The following ASTN1 variants were observed in gnomAD, a reference collection of about 807,000 sequenced individuals.
ASTN1 encodes astrotactin 1, also known as astrotactin-1.
ASTN1 carries 41 observed loss-of-function variants against 140.7 expected under a neutral mutation model. The ratio of observed to expected loss-of-function variants is 0.29; its 90% CI spans 0.23 to 0.38. The LOEUF is 0.38. Ranked by LOEUF, ASTN1 falls within the 10% of genes least tolerant of loss-of-function variation. ASTN1 has a pLI of 1.00. For synonymous variants in ASTN1, 640 were observed against 652.2 expected, an observed-to-expected ratio of 0.98 and a Z score of 0.29; for missense variants, 1,479 against 1,678.8, an observed-to-expected ratio of 0.88 and a Z score of 2.08.
At chr1:177,099,400 CT>C (rs894820168) in intron 1 of ASTN1, among the ~76,000 whole-genome samples, 11 of 150,444 alleles carry the variant, frequency 7.3e-5, no homozygotes, top group African/African-American at 2.2e-4. Context: ...ATCCTAGCTC[CT>C]TTTTTTTTAA....
chr1:176,908,837 A>G (rs1489682777), intron 16 of ASTN1, among the ~76,000 whole-genome samples: 1 of 152,174 alleles, frequency 6.6e-6, no homozygotes, highest in Admixed American at 6.5e-5. Flanking sequence ...AAAAAATAGC[A>G]ATGCTCAGAA....
intron 2 of ASTN1, among the ~76,000 whole-genome samples, chr1:177,034,714 T>C (rs923152329): frequency 1.7e-4 from 26 of 152,122 alleles, no homozygotes; most frequent in African/African-American, 5.8e-4. Context: ...GCAGAACCTG[T>C]ATCTCAGAGT....
At chr1:176,881,538 T>C (rs536857998) in intron 20 of ASTN1, among the ~76,000 whole-genome samples, 3 of 152,280 alleles carry the variant, frequency 2.0e-5, no homozygotes, top group African/African-American at 7.2e-5. Flanking sequence ...TTACAGCAGG[T>C]TAGGTGGTCT....
chr1:176,957,576 G>T, intron 11 of ASTN1, 102 bp downstream of exon 11: 1 of 1,415,536 alleles, frequency 7.1e-7, no homozygotes, highest in Non-Finnish European at 9.6e-7. Context: ...TTACAACTGG[G>T]GATCACAGCA....
chr1:176,954,165 C>G (rs911470356), intron 11 of ASTN1, among the ~76,000 whole-genome samples: 22 of 152,162 alleles, frequency 1.4e-4, no homozygotes, highest in African/African-American at 5.1e-4. Flanking sequence ...GTGAAGATAT[C>G]ACCTCACATG....
chr1:176,872,790 C>A (rs113071481), intron 21 of ASTN1, among the ~76,000 whole-genome samples: 1,674 of 152,308 alleles, frequency 0.011, 24 homozygotes, highest in Non-Finnish European at 0.018. Context: ...TGATCTGGAA[C>A]GATCTTCCCC....
chr1:177,127,460 C>A (rs1298017856), intron 1 of ASTN1, among the ~76,000 whole-genome samples: 1 of 152,200 alleles, frequency 6.6e-6, no homozygotes, highest in Non-Finnish European at 1.5e-5. Context: ...CATGCCCATG[C>A]CTTCTCCATA....
intron 14 of ASTN1, among the ~76,000 whole-genome samples, chr1:176,941,191 G>A (rs996885001): frequency 3.3e-5 from 5 of 152,102 alleles, no homozygotes; most frequent in Admixed American, 6.6e-5. Context: ...TAATTAAAAT[G>A]TTCCCAGAAC....
chr1:176,887,473 C>T (rs2103031164), intron 18 of ASTN1, among the ~76,000 whole-genome samples: 1 of 152,292 alleles, frequency 6.6e-6, no homozygotes, highest in South Asian at 2.1e-4. Context: ...TTGGTTCTGC[C>T]CCAGATCATC....
intron 1 of ASTN1, among the ~76,000 whole-genome samples, chr1:177,075,484 T>C (rs1678850031): frequency 6.6e-6 from 1 of 151,880 alleles, no homozygotes; most frequent in Non-Finnish European, 1.5e-5. Flanking sequence ...TCCTTAGTCA[T>C]TTAAAGGAAG....
intron 1 of ASTN1, among the ~76,000 whole-genome samples, chr1:177,098,317 A>T (rs993862541): frequency 3.3e-5 from 5 of 152,046 alleles, no homozygotes; most frequent in African/African-American, 4.8e-5. Context: ...AACCCCACAC[A>T]TTTGGTGTCA....
chr1:177,159,310 A>AC (rs1683381957), intron 1 of ASTN1, among the ~76,000 whole-genome samples: 1 of 152,166 alleles, frequency 6.6e-6, no homozygotes, highest in African/African-American at 2.4e-5. Context: ...TGAAGAACCT[A>AC]CCTTAGGATT....
intron 1 of ASTN1, among the ~76,000 whole-genome samples, chr1:177,080,448 C>T (rs1679125835): frequency 6.6e-6 from 1 of 152,108 alleles, no homozygotes; most frequent in South Asian, 2.1e-4. Context: ...TAAATAATTG[C>T]ATAAAATGCA....
chr1:176,940,061 C>T (rs1043370963), intron 14 of ASTN1, among the ~76,000 whole-genome samples: 9 of 152,174 alleles, frequency 5.9e-5, no homozygotes, highest in African/African-American at 1.4e-4. Context: ...AACCTTCACA[C>T]AGATTTAATG....
chr1:176,983,546 T>C (rs534420094), intron 8 of ASTN1, among the ~76,000 whole-genome samples: 1 of 152,318 alleles, frequency 6.6e-6, no homozygotes, highest in South Asian at 2.1e-4. Flanking sequence ...CACTTAATCC[T>C]TTTGGCAGCA....
chr1:176,953,909 A>T (rs944022222), intron 11 of ASTN1, among the ~76,000 whole-genome samples: 1 of 152,200 alleles, frequency 6.6e-6, no homozygotes, highest in African/African-American at 2.4e-5. Context: ...AATGAGTGTG[A>T]AGTTAAAGAA....
chr1:177,145,698 G>A (rs1387948922), intron 1 of ASTN1, among the ~76,000 whole-genome samples: 3 of 152,182 alleles, frequency 2.0e-5, no homozygotes, highest in Admixed American at 2.0e-4. Context: ...CAGTCTGTCT[G>A]TTCATTTATT....
At chr1:176,912,442 G>T (rs1670287533) in intron 16 of ASTN1, among the ~76,000 whole-genome samples, 1 of 152,088 alleles carries the variant, frequency 6.6e-6, no homozygotes, top group African/African-American at 2.4e-5. Context: ...ATTTAAAAAG[G>T]TAGAACCCAT....
chr1:177,089,944 C>T (rs1028304), intron 1 of ASTN1, among the ~76,000 whole-genome samples: 49,533 of 151,974 alleles, frequency 0.33, 10,669 homozygotes, highest in Non-Finnish European at 0.48. Flanking sequence ...AACATCAAAA[C>T]CATCAGTTGT....
Sources: gnomAD v4.1 joint callset for allele counts (sites outside exome capture counted in the v4.1 genomes callset) on GRCh38, gnomAD v4.1.1 for gene constraint, MANE v1.5 for transcripts, NCBI Gene and HGNC (gene_info 2026-07-23, HGNC 2026-07-21) for gene names.